Variants in ZNF827 observed in about 807,000 individuals in gnomAD.
The protein encoded by ZNF827 is zinc finger protein 827.
A neutral mutation model predicts 102.4 loss-of-function variants in ZNF827; 13 were observed. The observed-to-expected ratio is 0.13, with a 90% confidence interval of 0.08 to 0.20. ZNF827 has a LOEUF of 0.20. Among genes scored for constraint, ZNF827 ranks in the 10% least tolerant of loss-of-function variants. ZNF827 has a pLI of 1.00. For missense variants in ZNF827, 1,103 were observed against 1,344.4 expected (o/e 0.82, Z 2.81); for synonymous variants, 523 against 536.2 (o/e 0.98, Z 0.34).
At chr4:145,936,037 G>T (rs111623335) in intron 1 of ZNF827, among the ~76,000 whole-genome samples, 1 of 151,582 alleles carries the variant, frequency 6.6e-6, no homozygotes, top group African/African-American at 2.4e-5. Context: ...TAACCTCACC[G>T]CCCTGTTTTC....
At chr4:145,922,640 A>G (rs2126967720) in intron 1 of ZNF827, among the ~76,000 whole-genome samples, 1 of 152,372 alleles carries the variant, frequency 6.6e-6, no homozygotes, top group Middle Eastern at 3.4e-3. Flanking sequence ...ACATGCATAA[A>G]GCACTTCTGC....
intron 3 of ZNF827, among the ~76,000 whole-genome samples, chr4:145,889,734 T>C (rs1450367403): frequency 6.6e-6 from 1 of 152,152 alleles, no homozygotes; most frequent in Non-Finnish European, 1.5e-5. Flanking sequence ...CCCAGTACTC[T>C]GGGAGACCGA....
chr4:145,855,683 T>G (rs1169593894), intron 5 of ZNF827, among the ~76,000 whole-genome samples: 1 of 152,038 alleles, frequency 6.6e-6, no homozygotes, highest in East Asian at 1.9e-4. Context: ...TCTACTGGAG[T>G]GGAGGCCAAG....
chr4:145,833,503 C>T (rs1388936568), intron 7 of ZNF827, among the ~76,000 whole-genome samples: 2 of 152,116 alleles, frequency 1.3e-5, no homozygotes, highest in Non-Finnish European at 2.9e-5. Context: ...AGTACCCCAA[C>T]CCCTTCTCTC....
chr4:145,862,689 G>A (rs577164274), intron 5 of ZNF827, among the ~76,000 whole-genome samples: 3 of 152,232 alleles, frequency 2.0e-5, no homozygotes, highest in Admixed American at 6.5e-5. Context: ...CAGCAAATAC[G>A]GGAGTCAGAA....
At chr4:145,911,166 A>T (rs991470368) in intron 1 of ZNF827, among the ~76,000 whole-genome samples, 1 of 152,218 alleles carries the variant, frequency 6.6e-6, no homozygotes, top group Non-Finnish European at 1.5e-5. Context: ...AAACTTTTCC[A>T]CCAGTTTCCC....
In ZNF827 at chr4:145,918,332, CAAAAAAAA is replaced by C. The variant is rs34428145; in HGVS notation, c.44-15125_44-15118del. On this transcript the variant is annotated intron_variant, in intron 1 of 14. Coordinates refer to ENST00000508784, the MANE Select transcript of ZNF827 (RefSeq NM_001306215.2). Reference sequence around the variant, plus strand: ...CATAAAAACTATTCTTAGCTCAAGGCAAAAAAAAAAAAAAAAAAAAAAAAAAACTGGCT... The same window carrying C: ...CATAAAAACTATTCTTAGCTCAAGGCAAAAAAAAAAAAAAAAAAACTGGCT... Among the ~76,000 whole-genome samples, 12 of 22,144 alleles carry C rather than the reference CAAAAAAAA, an allele frequency of 5.4e-4. No individual in the cohort carries two copies. In the Admixed American group the frequency reaches 7.1e-3, roughly 13 times the overall value. The allele number at this position is 22,144 out of a possible 152,430, so 14.5% of individuals were successfully genotyped here. A position where few individuals can be genotyped will look rare whatever the true frequency, so the allele number is the denominator to read the frequency against.
chr4:145,765,139 C>G lies in ZNF827; in HGVS notation c.3079G>C (p.Val1027Leu). The G allele has an allele frequency of 6.2e-7, 1 of 1,611,820 alleles. No homozygotes were observed. Among genetic ancestry groups the G allele is most frequent in the Non-Finnish European group, 8.5e-7 (1 of 1,179,084 alleles). ...TCAAACATGTTCTTCGTCTTGCAGACAAAGTTGCAAAAAACACATTCGAAC... is the reference window on the plus strand; with the variant it reads ...TCAAACATGTTCTTCGTCTTGCAGAGAAAGTTGCAAAAAACACATTCGAAC... ...KGFECVFCNF[V>L]CKTKNMFERH... Residue 1027 changes from valine to leucine, a missense_variant, in exon 13 of 15, where the codon GTC becomes CTC. Val to Leu is a conservative substitution (Grantham distance 32). Around this residue, in one of 5 missense-constraint regions of ZNF827, gnomAD observed 242 missense variants for 361.9 expected, o/e 0.67. Transcript: ENST00000508784. This position sits in a 1 kb window ranked among gnomAD's most constrained non-coding sequence, Gnocchi z 4.7.
intron 5 of ZNF827, among the ~76,000 whole-genome samples, chr4:145,855,131 A>G (rs1367341096): frequency 6.6e-6 from 1 of 152,208 alleles, no homozygotes; most frequent in Non-Finnish European, 1.5e-5. Context: ...ACAAAATATG[A>G]AAGGATGGAA....
intron 1 of ZNF827, among the ~76,000 whole-genome samples, chr4:145,909,656 G>T (rs1204728584): frequency 6.6e-6 from 1 of 152,232 alleles, no homozygotes; most frequent in Non-Finnish European, 1.5e-5. Context: ...GTATCAGGAA[G>T]ACAAAAGCAA....
chr4:145,861,781 G>C (rs1308848168), intron 5 of ZNF827, among the ~76,000 whole-genome samples: 1 of 152,152 alleles, frequency 6.6e-6, no homozygotes, highest in Non-Finnish European at 1.5e-5. Context: ...CAACAGAAAA[G>C]GAATCTACGA....
At chr4:145,929,454 T>A (rs1424481815) in intron 1 of ZNF827, among the ~76,000 whole-genome samples, 2 of 152,222 alleles carry the variant, frequency 1.3e-5, no homozygotes, top group African/African-American at 4.8e-5. Flanking sequence ...CTGGTTATAA[T>A]GCATATGATT....
At chr4:145,793,357 T>A (rs776105897) in intron 8 of ZNF827, among the ~76,000 whole-genome samples, 167 of 2,768 alleles carry the variant, frequency 0.06, no homozygotes, top group Non-Finnish European at 0.12. Context: ...AGGAGTTTAT[T>A]AAGTTTTAAC....
intron 1 of ZNF827, among the ~76,000 whole-genome samples, chr4:145,927,198 G>A (rs375107643): frequency 1.6e-4 from 25 of 152,150 alleles, no homozygotes; most frequent in African/African-American, 4.3e-4. Context: ...ATTAGAAAAC[G>A]CCGCCTAATT....
intron 5 of ZNF827, among the ~76,000 whole-genome samples, chr4:145,866,219 G>A (rs1748180065): frequency 6.6e-6 from 1 of 152,160 alleles, no homozygotes; most frequent in Non-Finnish European, 1.5e-5. Flanking sequence ...TATCTGAAAA[G>A]GGTTTCTGTT....
At position 145,931,225 on chromosome 4, in the gene ZNF827, T is replaced by C. The variant is rs570402933; in HGVS notation, c.43+7140A>G. Among the ~76,000 whole-genome samples the C allele has an allele frequency of 3.3e-5, 5 of 152,352 alleles. No homozygotes were observed. The South Asian group carries it at 6.2e-4, about 19-fold the overall frequency. ...CACATTATTCTCTTATAAAATATGA[T>C]AGAAGACATTTTAGCTACCATGAAC... is the stretch of plus-strand genomic sequence containing the variant. On this transcript the variant is annotated intron_variant, in intron 1 of 14. Coordinates refer to ENST00000508784, the MANE Select transcript of ZNF827 (RefSeq NM_001306215.2).
chr4:145,892,965 A>G (rs1450530296), intron 2 of ZNF827, among the ~76,000 whole-genome samples: 1 of 152,242 alleles, frequency 6.6e-6, no homozygotes, highest in East Asian at 1.9e-4. Flanking sequence ...TCGGATCCCT[A>G]CTGCTGACTT....
chr4:145,923,795 TATTTA>T (rs1164189294), intron 1 of ZNF827, among the ~76,000 whole-genome samples: 4 of 152,168 alleles, frequency 2.6e-5, no homozygotes, highest in Non-Finnish European at 4.4e-5. Flanking sequence ...TTTAATAACA[TATTTA>T]ATTTGCCAGT....
intron 8 of ZNF827, among the ~76,000 whole-genome samples, chr4:145,815,381 A>G (rs1742499595): frequency 6.6e-6 from 1 of 152,202 alleles, no homozygotes; most frequent in Admixed American, 6.5e-5. Context: ...ACAATGAATG[A>G]GAGAGAATAG....
Sources: allele counts gnomAD v4.1 joint callset (sites outside exome capture counted in the v4.1 genomes callset), GRCh38; gene constraint gnomAD v4.1.1; regional missense constraint gnomAD v4.1.1; non-coding constraint Gnocchi (gnomAD v3.1); transcripts MANE v1.5; gene names NCBI Gene and HGNC (gene_info 2026-07-23, HGNC 2026-07-21).